Variants in ARB2A observed in about 807,000 individuals in gnomAD.
ARB2A encodes the protein ARB2 cotranscriptional regulator A.
At chr5:93,741,277 G>A in the ARB2A span, 1 of 1,613,808 alleles carries the variant, frequency 6.2e-7, no homozygotes, top group Non-Finnish European at 8.5e-7. Context: ...GGCGCCTTCG[G>A]AGGGGCGTCG....
chr5:93,780,405 C>A, the ARB2A span, among the ~76,000 whole-genome samples: 1 of 152,134 alleles, frequency 6.6e-6, no homozygotes, highest in African/African-American at 2.4e-5. Flanking sequence ...TTACCTTTTA[C>A]CTCTCTCTCC....
chr5:93,709,035 A>G, the ARB2A span, among the ~76,000 whole-genome samples: 12 of 74,670 alleles, frequency 1.6e-4, no homozygotes, highest in Non-Finnish European at 1.4e-4. Context: ...ACCCACCCCC[A>G]CCCCACCACA....
chr5:93,636,609 A>G, the ARB2A span, among the ~76,000 whole-genome samples: 1 of 152,214 alleles, frequency 6.6e-6, no homozygotes, highest in Non-Finnish European at 1.5e-5. Context: ...TCAGAACTGT[A>G]GGAAATAAAT....
At chr5:93,798,098 A>G in the ARB2A span, among the ~76,000 whole-genome samples, 1 of 152,158 alleles carries the variant, frequency 6.6e-6, no homozygotes, top group Non-Finnish European at 1.5e-5. Flanking sequence ...TCAGAGCACA[A>G]AAGAAGACTA....
the ARB2A span, among the ~76,000 whole-genome samples, chr5:93,935,506 T>C: frequency 6.6e-6 from 1 of 152,144 alleles, no homozygotes; most frequent in Admixed American, 6.5e-5. Context: ...ATTTTAAGTA[T>C]TGCTGAAGGG....
the ARB2A span, among the ~76,000 whole-genome samples, chr5:94,046,562 C>G: frequency 6.6e-6 from 1 of 152,116 alleles, no homozygotes; most frequent in African/African-American, 2.4e-5. Context: ...ACTTAACTGC[C>G]CAGTAGATAA....
At chr5:93,752,687 G>T in the ARB2A span, among the ~76,000 whole-genome samples, 4 of 152,012 alleles carry the variant, frequency 2.6e-5, no homozygotes, top group Non-Finnish European at 5.9e-5. Flanking sequence ...CAGGGCAAAT[G>T]ATTATATATA....
chr5:93,701,934 A>T, the ARB2A span, among the ~76,000 whole-genome samples: 1 of 152,126 alleles, frequency 6.6e-6, no homozygotes, highest in Non-Finnish European at 1.5e-5. Context: ...CACATCTTTA[A>T]TCTACTTTGA....
the ARB2A span, among the ~76,000 whole-genome samples, chr5:93,844,715 T>C: frequency 6.6e-6 from 1 of 152,120 alleles, no homozygotes; most frequent in African/African-American, 2.4e-5. Flanking sequence ...GGACACCACA[T>C]ACAGCAGTTA....
At chr5:94,103,519 T>C in the ARB2A span, among the ~76,000 whole-genome samples, 3 of 152,086 alleles carry the variant, frequency 2.0e-5, no homozygotes, top group South Asian at 6.2e-4. Context: ...ATTCATAAAA[T>C]AAGTTCTTAG....
chr5:93,846,240 A>G, the ARB2A span, among the ~76,000 whole-genome samples: 1 of 152,210 alleles, frequency 6.6e-6, no homozygotes, highest in South Asian at 2.1e-4. Context: ...GTGGTGGCTC[A>G]TGCCTGTAAT....
At chr5:93,679,527 T>A in the ARB2A span, among the ~76,000 whole-genome samples, 4 of 152,104 alleles carry the variant, frequency 2.6e-5, no homozygotes, top group African/African-American at 9.7e-5. Context: ...TTTATTTATA[T>A]AATCTGGTTA....
the ARB2A span, among the ~76,000 whole-genome samples, chr5:94,016,773 C>T: frequency 6.6e-6 from 1 of 152,178 alleles, no homozygotes; most frequent in Non-Finnish European, 1.5e-5. Flanking sequence ...GTCTCAGCTT[C>T]TCCTTATGGG....
chr5:93,795,787 T>C, the ARB2A span, among the ~76,000 whole-genome samples: 3 of 149,560 alleles, frequency 2.0e-5, no homozygotes, highest in East Asian at 5.9e-4. Context: ...TGTTGGATTA[T>C]GAAGAGAAAA....
At chr5:93,921,039 A>C in the ARB2A span, among the ~76,000 whole-genome samples, 6 of 152,208 alleles carry the variant, frequency 3.9e-5, no homozygotes, top group South Asian at 1.0e-3. Context: ...CAAGAAGCAA[A>C]AAAAAGTCAT....
the ARB2A span, among the ~76,000 whole-genome samples, chr5:94,032,146 C>A: frequency 6.6e-6 from 1 of 152,170 alleles, no homozygotes; most frequent in African/African-American, 2.4e-5. Flanking sequence ...ACCTTCAAGA[C>A]CCCAGAACTG....
At chr5:94,055,460 C>A in the ARB2A span, among the ~76,000 whole-genome samples, 2 of 152,134 alleles carry the variant, frequency 1.3e-5, no homozygotes, top group African/African-American at 4.8e-5. Context: ...AACACAAAAA[C>A]AAGCCATCAA....
chr5:93,689,934 T>C, the ARB2A span, among the ~76,000 whole-genome samples: 1 of 152,088 alleles, frequency 6.6e-6, no homozygotes, highest in East Asian at 1.9e-4. Context: ...GGGCATCTCA[T>C]CTGGGAAGCC....
chr5:93,990,792 G>C, the ARB2A span, among the ~76,000 whole-genome samples: 2 of 152,044 alleles, frequency 1.3e-5, no homozygotes, highest in Non-Finnish European at 2.9e-5. Context: ...AAAACAAGCA[G>C]TATAGATCTA....
Sources: allele counts gnomAD v4.1 joint callset (sites outside exome capture counted in the v4.1 genomes callset), GRCh38; gene constraint gnomAD v4.1.1; transcripts MANE v1.5; gene names NCBI Gene and HGNC (gene_info 2026-07-23, HGNC 2026-07-21).